The following GUCY1A2 variants were observed in gnomAD, a reference collection of about 807,000 sequenced individuals.
GUCY1A2 encodes guanylate cyclase soluble subunit alpha-2.
A neutral mutation model predicts 63.5 loss-of-function variants in GUCY1A2; 27 were observed. That is an observed-to-expected ratio of 0.43 (90% CI 0.31 to 0.59). GUCY1A2 has a LOEUF of 0.59. Among genes scored for constraint, GUCY1A2 ranks in the 20% least tolerant of loss-of-function variants. GUCY1A2 has a pLI of 0.11. For missense variants in GUCY1A2, 768 were observed against 913.3 expected (o/e 0.84, Z 2.05); for synonymous variants, 364 against 343.5 (o/e 1.06, Z -0.66).
chr11:106,972,917 C>T (rs1246135443), intron 3 of GUCY1A2, among the ~76,000 whole-genome samples: 2 of 152,082 alleles, frequency 1.3e-5, no homozygotes, highest in South Asian at 2.1e-4. Flanking sequence ...AGGCTACATA[C>T]TCAATATCCT....
chr11:106,722,148 G>A (rs1043628425), intron 6 of GUCY1A2, among the ~76,000 whole-genome samples: 6 of 152,098 alleles, frequency 3.9e-5, no homozygotes, highest in Non-Finnish European at 8.8e-5. Flanking sequence ...CTAAATACTT[G>A]CAGCATGATA....
chr11:106,845,522 G>A (rs928078083), intron 4 of GUCY1A2, among the ~76,000 whole-genome samples: 36 of 151,644 alleles, frequency 2.4e-4, no homozygotes, highest in African/African-American at 8.7e-4. Context: ...TTCCATATTG[G>A]AAGAAGTTAA....
chr11:106,910,968 C>T, intron 4 of GUCY1A2, among the ~76,000 whole-genome samples: 1 of 151,966 alleles, frequency 6.6e-6, no homozygotes, highest in Non-Finnish European at 1.5e-5. Flanking sequence ...CTTAGTTGTC[C>T]ATGAAAACTA....
intron 7 of GUCY1A2, among the ~76,000 whole-genome samples, chr11:106,706,545 G>GTT (rs71041682): frequency 0.041 from 5,880 of 142,822 alleles, 152 homozygotes; most frequent in South Asian, 0.075. Context: ...GGCTGGCAGA[G>GTT]TTTTTTTTTT....
chr11:106,820,840 T>C (rs1858892229), intron 4 of GUCY1A2, among the ~76,000 whole-genome samples: 1 of 152,194 alleles, frequency 6.6e-6, no homozygotes, highest in Non-Finnish European at 1.5e-5. Context: ...TAGATTGAAA[T>C]GTTGCCTTTG....
At chr11:106,739,815 G>T (rs1591256443) in intron 6 of GUCY1A2, among the ~76,000 whole-genome samples, 1 of 152,210 alleles carries the variant, frequency 6.6e-6, no homozygotes, top group African/African-American at 2.4e-5. Context: ...CTATTGGGAA[G>T]TGTTACTCTT....
rs1862474816 is a variant in GUCY1A2 at position 106,683,849 on chromosome 11, A to T, written c.*3700T>A. On this transcript the variant is annotated 3_prime_UTR_variant, in exon 8 of 8. Coordinates refer to ENST00000526355, the MANE Select transcript of GUCY1A2 (RefSeq NM_000855.3). ...GGTCATAATTTTGAGCTCCTACCTG[A>T]TGCCTTACGACTTTAGATACACAAT... 1 of 207,750 alleles carries T rather than the reference A, an allele frequency of 4.8e-6. No individual in the cohort carries two copies. The highest frequency in any genetic ancestry group is 5.9e-5 in the Admixed American group (1 of 16,822). The allele number at this position is 207,750 out of a possible 1,614,324, so 12.9% of individuals were successfully genotyped here.
chr11:106,756,201 T>C (rs1005966301), intron 6 of GUCY1A2, among the ~76,000 whole-genome samples: 2 of 152,224 alleles, frequency 1.3e-5, no homozygotes, highest in African/African-American at 2.4e-5. Context: ...ATTTGCTTGG[T>C]AGATTTTCCT....
chr11:106,899,913 C>T (rs12223216), intron 4 of GUCY1A2, among the ~76,000 whole-genome samples: 29,323 of 151,670 alleles, frequency 0.19, 3,006 homozygotes, highest in South Asian at 0.32. Flanking sequence ...TGAAATCCTG[C>T]CTCCACTTAA....
intron 6 of GUCY1A2, among the ~76,000 whole-genome samples, chr11:106,729,614 C>T (rs1477653743): frequency 1.3e-5 from 2 of 152,030 alleles, no homozygotes; most frequent in African/African-American, 2.4e-5. Context: ...TGACACAAGC[C>T]AGCTTATTAT....
intron 4 of GUCY1A2, among the ~76,000 whole-genome samples, chr11:106,869,725 A>T (rs1256079469): frequency 2.0e-5 from 3 of 152,158 alleles, no homozygotes; most frequent in Admixed American, 6.6e-5. Flanking sequence ...AGAGCTAGAA[A>T]TACCATTTGA....
At chr11:106,865,623 G>A (rs1377766117) in intron 4 of GUCY1A2, among the ~76,000 whole-genome samples, 1 of 151,894 alleles carries the variant, frequency 6.6e-6, no homozygotes, top group Non-Finnish European at 1.5e-5. Flanking sequence ...ACACAGGGAG[G>A]GGAGCATCAC....
intron 6 of GUCY1A2, 70 bp from the exon 7 acceptor site, chr11:106,708,736 G>T: frequency 3.2e-6 from 3 of 930,734 alleles, no homozygotes; most frequent in Middle Eastern, 2.6e-4. Context: ...TTAATGAAAG[G>T]CACTGCTAAT....
chr11:106,892,397 T>A (rs963706284), intron 4 of GUCY1A2, among the ~76,000 whole-genome samples: 2 of 152,122 alleles, frequency 1.3e-5, no homozygotes, highest in South Asian at 2.1e-4. Context: ...ATAATTGAAC[T>A]TTTGTAATAA....
At chr11:106,826,797 C>A in intron 4 of GUCY1A2, 1 of 1,610,000 alleles carries the variant, frequency 6.2e-7, no homozygotes, top group South Asian at 1.1e-5. Context: ...AGACTGGGCT[C>A]AGCTGCCAGG....
chr11:106,714,987 A>G (rs975547794), intron 6 of GUCY1A2, among the ~76,000 whole-genome samples: 1 of 152,196 alleles, frequency 6.6e-6, no homozygotes, highest in Non-Finnish European at 1.5e-5. Flanking sequence ...GAGAGTGTTC[A>G]TGGAAAAAAA....
intron 4 of GUCY1A2, chr11:106,824,918 G>A: frequency 6.2e-7 from 1 of 1,611,490 alleles, no homozygotes; most frequent in Non-Finnish European, 8.5e-7. Context: ...CTGGTTCTAA[G>A]AATACAGGAG....
chr11:106,896,403 A>C (rs1591317993), intron 4 of GUCY1A2, among the ~76,000 whole-genome samples: 1 of 152,360 alleles, frequency 6.6e-6, no homozygotes, highest in Middle Eastern at 3.4e-3. Context: ...ATGAGGAGCA[A>C]GGCAAGAATG....
chr11:106,825,660 A>G (rs2135433156), intron 4 of GUCY1A2, among the ~76,000 whole-genome samples: 1 of 152,006 alleles, frequency 6.6e-6, no homozygotes, highest in South Asian at 2.1e-4. Context: ...AAATATGTAG[A>G]TCAGGGATGT....
Sources: gnomAD v4.1 joint callset for allele counts (sites outside exome capture counted in the v4.1 genomes callset) on GRCh38, gnomAD v4.1.1 for gene constraint, MANE v1.5 for transcripts, NCBI Gene and HGNC (gene_info 2026-07-23, HGNC 2026-07-21) for gene names.